The following ORC4 variants were observed in gnomAD, a reference collection of about 807,000 sequenced individuals.
The protein encoded by ORC4 is origin recognition complex subunit 4.
ORC4 carries 55 observed loss-of-function variants against 63.9 expected under a neutral mutation model. That is an observed-to-expected ratio of 0.86 (90% confidence interval 0.69 to 1.08). The LOEUF is 1.08. ORC4 is among the 50% of genes least tolerant of loss of function. The pLI, the probability that ORC4 is intolerant of heterozygous loss-of-function variation, is 0.00. For synonymous variants in ORC4, 150 were observed against 168.5 expected (o/e 0.89, Z 0.85); for missense variants, 511 against 504.4 (o/e 1.01, Z -0.13).
intron 6 of ORC4, among the ~76,000 whole-genome samples, chr2:147,956,804 T>C (rs563844553): frequency 2.0e-5 from 3 of 151,958 alleles, no homozygotes; most frequent in Non-Finnish European, 4.4e-5. Context: ...TGATAAAAAA[T>C]TGTCATTTTT....
At chr2:147,957,155 CTA>C (rs1219049532) in intron 6 of ORC4, among the ~76,000 whole-genome samples, 2 of 146,424 alleles carry the variant, frequency 1.4e-5, no homozygotes, top group Non-Finnish European at 3.0e-5. Context: ...ATATAATAAA[CTA>C]TAATTATATA....
intron 9 of ORC4, among the ~76,000 whole-genome samples, chr2:147,947,463 T>C (rs926579911): frequency 2.6e-5 from 4 of 152,092 alleles, no homozygotes; most frequent in African/African-American, 9.6e-5. Context: ...GGTAAATTTA[T>C]AGTCTCAAAG....
chr2:148,001,071 A>G (rs1371320516), intron 1 of ORC4, among the ~76,000 whole-genome samples: 1 of 152,180 alleles, frequency 6.6e-6, no homozygotes, highest in Admixed American at 6.5e-5. Flanking sequence ...GGGTAGTGAC[A>G]GCTACCTTGT....
intron 1 of ORC4, among the ~76,000 whole-genome samples, chr2:147,991,050 C>CTTT (rs34841947): frequency 2.2e-5 from 3 of 134,040 alleles, no homozygotes; most frequent in Non-Finnish European, 3.2e-5. Context: ...ACATATATAT[C>CTTT]TTTTTTTTTT....
At chr2:147,962,180 G>A (rs925146212) in intron 4 of ORC4, among the ~76,000 whole-genome samples, 7 of 152,086 alleles carry the variant, frequency 4.6e-5, no homozygotes, top group African/African-American at 1.7e-4. Flanking sequence ...TTCCCGTTCT[G>A]GGGAAAAGGT....
chr2:147,979,248 ATACAG>A (rs1440093172), intron 1 of ORC4, among the ~76,000 whole-genome samples: 1 of 152,210 alleles, frequency 6.6e-6, no homozygotes, highest in Non-Finnish European at 1.5e-5. Context: ...GTACTAATAC[ATACAG>A]TAAAGTGGCA....
At chr2:147,959,434 T>G (rs1689453575) in intron 4 of ORC4, among the ~76,000 whole-genome samples, 1 of 152,010 alleles carries the variant, frequency 6.6e-6, no homozygotes, top group South Asian at 2.1e-4. Flanking sequence ...AAAGATGGAC[T>G]GTTCCTTCCA....
chr2:147,944,833 C>G (rs933949779), intron 9 of ORC4, among the ~76,000 whole-genome samples: 7 of 151,870 alleles, frequency 4.6e-5, no homozygotes, highest in African/African-American at 1.7e-4. Context: ...ATTTTATACT[C>G]TCAGGAAATA....
At chr2:148,000,266 C>T (rs753831752) in intron 1 of ORC4, among the ~76,000 whole-genome samples, 1 of 152,020 alleles carries the variant, frequency 6.6e-6, no homozygotes, top group Non-Finnish European at 1.5e-5. Flanking sequence ...TAATAAGTAA[C>T]ATGGCTGTGA....
In ORC4 at chr2:147,976,077, A is replaced by T. The variant is rs1690536456; in HGVS notation, c.-17-102T>A. ...AAAATAAATACAAGTTTTTAAAAGT[A>T]AAAAATGCTCAAACCCTAAGACCTT... On this transcript the variant is annotated intron_variant, in intron 1 of 13. Transcript: ENST00000392857. The T allele has an allele frequency of 7.0e-6, 5 of 715,866 alleles. No individual in the cohort carries two copies. In the South Asian group the frequency reaches 7.7e-5, roughly 11 times the overall value. 44.3% of individuals were successfully genotyped at this position (715,866 alleles called of 1,614,324 possible).
intron 6 of ORC4, 44 bp from the exon 7 acceptor site, chr2:147,955,439 T>C (rs1313493762): frequency 7.1e-7 from 1 of 1,413,174 alleles, no homozygotes; most frequent in Non-Finnish European, 1.0e-6. Context: ...TTTAGTGAAA[T>C]AAAGAACAAA....
intron 1 of ORC4, among the ~76,000 whole-genome samples, chr2:148,016,087 C>T (rs1366587219): frequency 6.6e-6 from 1 of 152,106 alleles, no homozygotes; most frequent in Non-Finnish European, 1.5e-5. Flanking sequence ...GGTGAAAAAG[C>T]TCGATAAGTG....
At chr2:147,971,303 T>C (rs1049203916) in intron 4 of ORC4, among the ~76,000 whole-genome samples, 5 of 151,676 alleles carry the variant, frequency 3.3e-5, no homozygotes, top group African/African-American at 4.8e-5. Context: ...AAAAGAATAA[T>C]ATTCTTTTAA....
At chr2:148,005,390 T>G (rs1692563228) in intron 1 of ORC4, among the ~76,000 whole-genome samples, 1 of 151,044 alleles carries the variant, frequency 6.6e-6, no homozygotes, top group African/African-American at 2.4e-5. Context: ...CATCACACAC[T>G]GGGGCCTGCT....
At position 147,958,361 on chromosome 2, in the gene ORC4, T is replaced by G. The variant is rs774417373; in HGVS notation, c.324A>C (p.Lys108Asn). 4.3e-6 allele frequency: 7 copies of G among 1,612,314 alleles called. No homozygotes were observed. The South Asian group carries it at 4.4e-5, about 10-fold the overall frequency. ...GCCTTGTGATTTCCTTTAGGGCGAT[T>G]TTGTCATTGATCTGCAGCAGTCCTA... ...HLNGLLQIND[K>N]IALKEITRQL... is the part of the protein sequence containing the mutation. Residue 108 changes from lysine (K) to asparagine (N), a missense_variant, in exon 6 of 14, where the codon AAA becomes AAC. By Grantham distance (94) the Lys-to-Asn change is moderately conservative (BLOSUM62 0). Transcript: ENST00000392857.
In ORC4 at chr2:148,017,539, G is replaced by A. The variant is rs138397943; in HGVS notation, c.-18+3094C>T. Among the ~76,000 whole-genome samples the A allele has an allele frequency of 5.3e-3, 800 of 152,232 alleles. 6 individuals are homozygous for A. Among genetic ancestry groups the A allele is most frequent in the African/African-American group, 0.018 (736 of 41,548 alleles). On this transcript the variant is annotated intron_variant, in intron 1 of 13. Transcript: ENST00000392857. Reference sequence around the variant, plus strand: ...ATAAAAACATTAGCCAGGTGTGGTGGCACATGCTTGTAATCCCAGCTACTA... The same window carrying A: ...ATAAAAACATTAGCCAGGTGTGGTGACACATGCTTGTAATCCCAGCTACTA...
At chr2:147,985,988 C>T (rs2105382466) in intron 1 of ORC4, among the ~76,000 whole-genome samples, 1 of 152,206 alleles carries the variant, frequency 6.6e-6, no homozygotes, top group Non-Finnish European at 1.5e-5. Context: ...GGAGACAAAA[C>T]ATAGCAGAGG....
intron 3 of ORC4, among the ~76,000 whole-genome samples, 183 bp from the exon 4 acceptor site, chr2:147,973,012 T>C (rs147541924): frequency 1.3e-5 from 2 of 152,172 alleles, no homozygotes; most frequent in South Asian, 4.1e-4. Context: ...TAGGGCAGTA[T>C]TGATTCTCTG....
intron 1 of ORC4, among the ~76,000 whole-genome samples, chr2:148,017,601 G>A (rs1359868269): frequency 6.6e-6 from 1 of 152,214 alleles, no homozygotes; most frequent in Non-Finnish European, 1.5e-5. Context: ...GAACTTGGGA[G>A]GCGGAGGTTG....
Sources: gnomAD v4.1 joint callset for allele counts (sites outside exome capture counted in the v4.1 genomes callset) on GRCh38, gnomAD v4.1.1 for gene constraint, MANE v1.5 for transcripts, NCBI Gene and HGNC (gene_info 2026-07-23, HGNC 2026-07-21) for gene names.